The following HPSE2 variants were observed in gnomAD, a reference collection of about 807,000 sequenced individuals.
HPSE2 encodes heparanase 2 (inactive), also known as inactive heparanase-2.
In HPSE2, 38 loss-of-function variants were observed where a neutral mutation model predicts 60.5. The observed-to-expected ratio is 0.63, with a 90% CI of 0.48 to 0.82. HPSE2 has a LOEUF of 0.82. Among genes scored for constraint, HPSE2 ranks in the 40% least tolerant of loss-of-function variants. HPSE2 has a pLI of 0.00. For missense variants in HPSE2, 713 were observed against 740.4 expected, an observed-to-expected ratio of 0.96 and a Z score of 0.43; for synonymous variants, 295 against 293.2, an observed-to-expected ratio of 1.01 and a Z score of -0.06.
intron 2 of HPSE2, among the ~76,000 whole-genome samples, chr10:99,177,819 T>C (rs1181353249): frequency 6.6e-6 from 1 of 152,178 alleles, no homozygotes; most frequent in East Asian, 1.9e-4. Context: ...AGATTATACA[T>C]TCTTCTCAGC....
intron 9 of HPSE2, among the ~76,000 whole-genome samples, chr10:98,606,552 T>C (rs1302508253): frequency 1.3e-5 from 2 of 152,224 alleles, no homozygotes; most frequent in East Asian, 3.8e-4. Context: ...AATTTTAGAA[T>C]AGAAGGCAGG....
intron 3 of HPSE2, among the ~76,000 whole-genome samples, chr10:98,878,115 A>C (rs1414393685): frequency 6.6e-6 from 1 of 151,974 alleles, no homozygotes; most frequent in Non-Finnish European, 1.5e-5. Context: ...AAACCTGGAC[A>C]AAATATACAA....
intron 11 of HPSE2, among the ~76,000 whole-genome samples, chr10:98,468,939 G>A (rs756957100): frequency 1.3e-5 from 2 of 152,150 alleles, no homozygotes; most frequent in African/African-American, 2.4e-5. Flanking sequence ...TGAGGGACAC[G>A]CTGAAATGGT....
At chr10:99,155,419 C>G (rs1453333434) in intron 2 of HPSE2, among the ~76,000 whole-genome samples, 2 of 148,920 alleles carry the variant, frequency 1.3e-5, no homozygotes, top group Non-Finnish European at 3.0e-5. Flanking sequence ...GACCACAGTG[C>G]AATCAAACTA....
intron 9 of HPSE2, among the ~76,000 whole-genome samples, chr10:98,574,146 T>C (rs1944578562): frequency 6.6e-6 from 1 of 151,534 alleles, no homozygotes; most frequent in South Asian, 2.1e-4. Flanking sequence ...TCATAACATA[T>C]GGTCCTTTGT....
chr10:99,072,927 C>CAAA (rs770699941), intron 3 of HPSE2, among the ~76,000 whole-genome samples: 8 of 88,032 alleles, frequency 9.1e-5, no homozygotes, highest in African/African-American at 3.2e-4. Context: ...GGCTCCGTCT[C>CAAA]AAAAAAAAAA....
At chr10:98,779,105 C>G (rs1045162527) in intron 3 of HPSE2, among the ~76,000 whole-genome samples, 2 of 152,086 alleles carry the variant, frequency 1.3e-5, no homozygotes, top group East Asian at 1.9e-4. Flanking sequence ...GCTCCTCTTT[C>G]GGTTACTAGG....
intron 3 of HPSE2, among the ~76,000 whole-genome samples, chr10:98,888,959 G>A (rs1166686388): frequency 6.6e-6 from 1 of 152,120 alleles, no homozygotes; most frequent in African/African-American, 2.4e-5. Context: ...GGGAGGCTGA[G>A]GCAGGAGGAT....
intron 11 of HPSE2, among the ~76,000 whole-genome samples, chr10:98,467,996 C>A (rs1047438456): frequency 1.3e-5 from 2 of 152,228 alleles, no homozygotes; most frequent in Admixed American, 6.5e-5. Context: ...GGCTCCGGGT[C>A]CCCGGCTGCC....
At chr10:98,860,488 T>TTTC (rs1952431353) in intron 3 of HPSE2, among the ~76,000 whole-genome samples, 1 of 152,204 alleles carries the variant, frequency 6.6e-6, no homozygotes, top group Non-Finnish European at 1.5e-5. Flanking sequence ...AATTGAGCAT[T>TTTC]TTCTACATGT....
At chr10:98,652,166 A>G (rs1946934772) in intron 6 of HPSE2, among the ~76,000 whole-genome samples, 1 of 152,224 alleles carries the variant, frequency 6.6e-6, no homozygotes, top group Non-Finnish European at 1.5e-5. Context: ...TTAAGATCAA[A>G]AAAGGTAAAA....
At chr10:99,024,770 T>C (rs767632393) in intron 3 of HPSE2, among the ~76,000 whole-genome samples, 34 of 152,140 alleles carry the variant, frequency 2.2e-4, no homozygotes, top group Admixed American at 9.2e-4. Context: ...ATATTTAAAG[T>C]GCTGAAGAAA....
In HPSE2 at chr10:99,122,310, A is replaced by C. The variant is rs1236654901; in HGVS notation, c.610+21928T>G. Among the ~76,000 whole-genome samples, 6 of 152,042 alleles carry C rather than the reference A, an allele frequency of 3.9e-5. No individual in the cohort carries two copies. In the East Asian group the frequency reaches 1.2e-3, roughly 29 times the overall value. On this transcript the variant is annotated intron_variant, in intron 3 of 11. Coordinates refer to ENST00000370552, the MANE Select transcript of HPSE2 (RefSeq NM_021828.5). ...TTTGCATTTAAATCATGTGAAAAGC[A>C]GCTATCACCACTATTTTTCAATCTT...
At chr10:98,829,237 G>A (rs962512106) in intron 3 of HPSE2, among the ~76,000 whole-genome samples, 4 of 152,062 alleles carry the variant, frequency 2.6e-5, no homozygotes, top group African/African-American at 9.7e-5. Flanking sequence ...TTTACAAGAT[G>A]AAGAAAGTTG....
intron 3 of HPSE2, among the ~76,000 whole-genome samples, chr10:98,995,667 G>A (rs1956626962): frequency 6.6e-6 from 1 of 152,162 alleles, no homozygotes; most frequent in South Asian, 2.1e-4. Context: ...AAATGGACAA[G>A]TAATAGGCTA....
At chr10:99,004,658 T>C (rs569597572) in intron 3 of HPSE2, among the ~76,000 whole-genome samples, 1 of 152,204 alleles carries the variant, frequency 6.6e-6, no homozygotes, top group Non-Finnish European at 1.5e-5. Flanking sequence ...ACCTTCATAC[T>C]AAAGATATGT....
intron 9 of HPSE2, among the ~76,000 whole-genome samples, chr10:98,563,544 G>T (rs899579186): frequency 6.6e-6 from 1 of 152,014 alleles, no homozygotes; most frequent in Non-Finnish European, 1.5e-5. Flanking sequence ...CTTTAAATGG[G>T]TAAATTGTAG....
At chr10:98,662,182 T>C (rs1947242987) in intron 6 of HPSE2, among the ~76,000 whole-genome samples, 1 of 152,188 alleles carries the variant, frequency 6.6e-6, no homozygotes, top group South Asian at 2.1e-4. Flanking sequence ...CATGAGCCAC[T>C]GTGCCTGGCC....
intron 3 of HPSE2, among the ~76,000 whole-genome samples, chr10:98,869,415 C>G (rs1952674934): frequency 6.6e-6 from 1 of 152,116 alleles, no homozygotes; most frequent in Admixed American, 6.6e-5. Context: ...CTTATGAAGT[C>G]AGACACTTAC....
Sources: allele counts gnomAD v4.1 joint callset (sites outside exome capture counted in the v4.1 genomes callset), GRCh38; gene constraint gnomAD v4.1.1; transcripts MANE v1.5; gene names NCBI Gene and HGNC (gene_info 2026-07-23, HGNC 2026-07-21).